PCDHA11: variants seen among roughly 807,000 people sequenced by gnomAD.
PCDHA11 encodes the protein protocadherin alpha-11.
Under a neutral mutation model 70.3 loss-of-function variants are expected in PCDHA11, and 61 were observed. That is an observed-to-expected ratio of 0.87 (90% confidence interval 0.71 to 1.07). The LOEUF is 1.07. PCDHA11 is among the 50% of genes least tolerant of loss of function. PCDHA11 has a pLI of 0.00. For missense variants in PCDHA11, 1,324 were observed against 1,237.5 expected (o/e 1.07, Z -1.05); for synonymous variants, 633 against 555.1 (o/e 1.14, Z -1.97).
intron 1 of PCDHA11, chr5:140,967,771 G>A (rs1554229926): frequency 1.2e-6 from 2 of 1,614,222 alleles, no homozygotes; most frequent in Non-Finnish European, 1.7e-6. Context: ...AGATCTATGT[G>A]CAGGCGACTG....
chr5:140,953,093 A>T (rs2153698233), intron 1 of PCDHA11, among the ~76,000 whole-genome samples: 1 of 152,346 alleles, frequency 6.6e-6, no homozygotes, highest in East Asian at 1.9e-4. Flanking sequence ...TTACAATTTG[A>T]CATGAGATTT....
intron 1 of PCDHA11, chr5:140,967,197 AC>A: frequency 6.2e-7 from 1 of 1,613,542 alleles, no homozygotes; most frequent in Non-Finnish European, 8.5e-7. Context: ...ATCAACGACA[AC>A]TCACCGCGTT....
intron 1 of PCDHA11, among the ~76,000 whole-genome samples, chr5:140,910,845 G>C (rs1448971238): frequency 6.6e-6 from 1 of 152,090 alleles, no homozygotes; most frequent in Non-Finnish European, 1.5e-5. Context: ...CAATGCCTTG[G>C]ATCTATGTTC....
At chr5:140,953,104 G>T (rs535123595) in intron 1 of PCDHA11, among the ~76,000 whole-genome samples, 1 of 152,244 alleles carries the variant, frequency 6.6e-6, no homozygotes, top group African/African-American at 2.4e-5. Flanking sequence ...CATGAGATTT[G>T]GGCAGGGACA....
intron 1 of PCDHA11, among the ~76,000 whole-genome samples, chr5:140,894,786 C>T (rs990092948): frequency 6.6e-6 from 1 of 151,576 alleles, no homozygotes; most frequent in Non-Finnish European, 1.5e-5. Flanking sequence ...AATTATTTGT[C>T]CTCTCCTTTA....
At chr5:140,904,091 C>A (rs536225769) in intron 1 of PCDHA11, among the ~76,000 whole-genome samples, 16 of 152,082 alleles carry the variant, frequency 1.1e-4, no homozygotes, top group Non-Finnish European at 1.8e-4. Flanking sequence ...ACATGAATAA[C>A]TACTTTAGTG....
At chr5:140,906,933 G>A (rs1214323970) in intron 1 of PCDHA11, among the ~76,000 whole-genome samples, 2 of 152,158 alleles carry the variant, frequency 1.3e-5, no homozygotes, top group African/African-American at 4.8e-5. Flanking sequence ...GTGTCCCGGT[G>A]TCAATCTTAA....
intron 1 of PCDHA11, among the ~76,000 whole-genome samples, chr5:140,946,992 A>G (rs1393633852): frequency 6.6e-6 from 1 of 151,790 alleles, no homozygotes; most frequent in Non-Finnish European, 1.5e-5. Context: ...TGAGTGTTCT[A>G]ACTTCAAAGA....
intron 3 of PCDHA11, among the ~76,000 whole-genome samples, chr5:140,989,478 G>A (rs1319813384): frequency 2.0e-5 from 3 of 152,204 alleles, no homozygotes; most frequent in Admixed American, 6.5e-5. Context: ...CTCCTGGGAG[G>A]TGCTTGAACA....
intron 1 of PCDHA11, chr5:140,926,715 G>C (rs114961630): frequency 2.1e-6 from 2 of 952,238 alleles, no homozygotes; most frequent in Non-Finnish European, 1.4e-6. Flanking sequence ...GGCCAGCCCC[G>C]GCAATGCCGG....
rs782537686 is a variant in PCDHA11, at chr5:140,967,852, C to T, written c.2392-11097C>T. 13 of 1,614,142 alleles carry T rather than the reference C, an allele frequency of 8.1e-6. No homozygotes were observed. The Middle Eastern group carries it at 1.2e-3, about 143-fold the overall frequency. On this transcript the variant is annotated intron_variant, in intron 1 of 3. Transcript: ENST00000398640. ...ACATCGTGGACGTGAATGACAATGC[C>T]CCAGAGGTGGTGCTCACGGACCTGT...
rs1215041869 is a variant in PCDHA11, at chr5:141,010,411, G to T, written c.*474G>T. ...TGAGACGAGCCAGCTTAGACTAATT[G>T]GTACAAGGAAGGCAAGAAAACAAAG... On this transcript the variant is annotated 3_prime_UTR_variant, in exon 4 of 4. Transcript: ENST00000398640. 4.1e-6 allele frequency: 5 copies of T among 1,224,236 alleles called. No individual in the cohort carries two copies. The highest frequency in any genetic ancestry group is 4.4e-6 in the Non-Finnish European group (4 of 905,798). The allele number at this position is 1,224,236 out of a possible 1,614,324, so 75.8% of individuals were successfully genotyped here. A position where few individuals can be genotyped will look rare whatever the true frequency, so the allele number is the denominator to read the frequency against.
chr5:140,887,654 G>A (rs2061529435), intron 1 of PCDHA11, among the ~76,000 whole-genome samples: 1 of 151,712 alleles, frequency 6.6e-6, no homozygotes, highest in South Asian at 2.1e-4. Context: ...TGATATTCTT[G>A]GATCTGTGGA....
chr5:140,877,324 G>C (rs782336745), intron 1 of PCDHA11: 3 of 1,613,990 alleles, frequency 1.9e-6, no homozygotes, highest in Non-Finnish European at 2.5e-6. Context: ...GGCGGTCGGC[G>C]CGCACATCCC....
chr5:141,011,221 A>G lies in PCDHA11; in HGVS notation c.*1284A>G, dbSNP rs1392607276. On this transcript the variant is annotated 3_prime_UTR_variant, in exon 4 of 4. Coordinates refer to ENST00000398640, the MANE Select transcript of PCDHA11 (RefSeq NM_018902.5). ...TCTCATACAGTGAGCAGATTTTTCA[A>G]TCTACTAATTCTGTGACTTGTCTTG... is the stretch of plus-strand genomic sequence containing the variant. The G allele has an allele frequency of 1.3e-5, 2 of 153,780 alleles. No individual in the cohort carries two copies. The highest frequency in any genetic ancestry group is 4.8e-5 in the African/African-American group (2 of 41,464). 9.5% of individuals were successfully genotyped at this position (153,780 alleles called of 1,614,324 possible).
Position 140,883,205 on chromosome 5 carries a change from A to G in PCDHA11, c.2391+11711A>G, listed in dbSNP as rs1402031440. 5 of 1,613,918 alleles carry G rather than the reference A, an allele frequency of 3.1e-6. No individual in the cohort carries two copies. In the African/African-American group the frequency reaches 6.7e-5, roughly 22 times the overall value. On this transcript the variant is annotated intron_variant, in intron 1 of 3. Transcript: ENST00000398640. Reference sequence around the variant, plus strand: ...AAAAGGCAAACTAGATTTCGAAGAAAAGAAATTATATGAAATATCCGTGGA... The same window carrying G: ...AAAAGGCAAACTAGATTTCGAAGAAGAGAAATTATATGAAATATCCGTGGA...
intron 3 of PCDHA11, among the ~76,000 whole-genome samples, chr5:140,996,316 A>C (rs2153939037): frequency 6.6e-6 from 1 of 152,250 alleles, no homozygotes; most frequent in African/African-American, 2.4e-5. Context: ...GTAAGGGGGG[A>C]GGGTAGAGAA....
Position 141,010,492 on chromosome 5 carries a change from C to T in PCDHA11, c.*555C>T. 8.0e-6 allele frequency: 5 copies of T among 628,626 alleles called. No homozygotes were observed. 38.9% of individuals were successfully genotyped at this position (628,626 alleles called of 1,614,324 possible). On this transcript the variant is annotated 3_prime_UTR_variant, in exon 4 of 4. Coordinates refer to ENST00000398640, the MANE Select transcript of PCDHA11 (RefSeq NM_018902.5). ...AGGGGAAGTGTAAACTTAAAGGGAC[C>T]AGACTTTCTAAATCTTACAACTCAA... is the stretch of plus-strand genomic sequence containing the variant.
At chr5:140,967,492 G>C in intron 1 of PCDHA11, 1 of 1,613,380 alleles carries the variant, frequency 6.2e-7, no homozygotes, top group Non-Finnish European at 8.5e-7. Flanking sequence ...GTACGGCACA[G>C]ATCTCTGTGC....
Sources: gnomAD v4.1 joint callset for allele counts (sites outside exome capture counted in the v4.1 genomes callset) on GRCh38, gnomAD v4.1.1 for gene constraint, MANE v1.5 for transcripts, NCBI Gene and HGNC (gene_info 2026-07-23, HGNC 2026-07-21) for gene names.